PCDHGA1: variants seen among roughly 807,000 people sequenced by gnomAD.
PCDHGA1 encodes protocadherin gamma subfamily A, 1, also known as protocadherin gamma-A1.
Under a neutral mutation model 58.0 loss-of-function variants are expected in PCDHGA1, and 32 were observed. The observed-to-expected ratio is 0.55, with a 90% CI of 0.42 to 0.74. The LOEUF (loss-of-function observed/expected upper bound fraction) is 0.74, where lower values mean the gene tolerates loss of function less well. Ranked by LOEUF, PCDHGA1 falls within the 30% of genes least tolerant of loss-of-function variation. PCDHGA1 has a pLI of 0.00. For synonymous variants in PCDHGA1, 498 were observed against 501.1 expected (o/e 0.99, Z 0.08); for missense variants, 1,205 against 1,182.3 (o/e 1.02, Z -0.28).
rs1288831801 is a variant in PCDHGA1, at chr5:141,477,793, T to C, written c.2422-17014T>C. The C allele has an allele frequency of 6.2e-7, 1 of 1,614,050 alleles. No homozygotes were observed. The highest frequency in any genetic ancestry group is 2.2e-5 in the East Asian group (1 of 44,874). ...TCAGCGTGAACATATTTGTCACTGATCGCAATGACAATGCCCCCCAGGTCC... is the reference window on the plus strand; with the variant it reads ...TCAGCGTGAACATATTTGTCACTGACCGCAATGACAATGCCCCCCAGGTCC... On this transcript the variant is annotated intron_variant, in intron 1 of 3. Coordinates refer to ENST00000517417, the MANE Select transcript of PCDHGA1 (RefSeq NM_018912.3). This position sits in a 1 kb window ranked among gnomAD's most constrained non-coding sequence, Gnocchi z 4.9.
chr5:141,390,568 C>G (rs2092182781), intron 1 of PCDHGA1: 3 of 414,984 alleles, frequency 7.2e-6, no homozygotes, highest in East Asian at 4.5e-5. Flanking sequence ...GTTGTTGGCT[C>G]TCTCCTAAAA....
intron 2 of PCDHGA1, among the ~76,000 whole-genome samples, chr5:141,498,068 A>G (rs765582921): frequency 6.6e-6 from 1 of 152,244 alleles, no homozygotes; most frequent in Non-Finnish European, 1.5e-5. Context: ...TGAAACTGTC[A>G]TAAGTGCTAG....
At chr5:141,430,573 A>C (rs938248057) in intron 1 of PCDHGA1, 8 of 448,940 alleles carry the variant, frequency 1.8e-5, no homozygotes, top group Non-Finnish European at 3.0e-5. Context: ...AGAAAAGCGG[A>C]GATCCTGCTC....
chr5:141,385,513 A>C (rs1781236036), intron 1 of PCDHGA1: 1 of 1,373,372 alleles, frequency 7.3e-7, no homozygotes, highest in Non-Finnish European at 9.4e-7. Flanking sequence ...CTTTAGTGAA[A>C]GCCTATGGAC....
intron 1 of PCDHGA1, chr5:141,408,074 C>T: frequency 7.2e-7 from 1 of 1,395,302 alleles, no homozygotes; most frequent in Non-Finnish European, 9.5e-7. Context: ...CAGACCTTTC[C>T]CAGCACAGCG....
chr5:141,374,656 C>G (rs775346091), intron 1 of PCDHGA1: 1 of 1,612,056 alleles, frequency 6.2e-7, no homozygotes, highest in Non-Finnish European at 8.5e-7. Context: ...GGCCCAAGTA[C>G]CCGGAGCTGG....
chr5:141,491,414 G>C lies in PCDHGA1; in HGVS notation c.2422-3393G>C, dbSNP rs137987971. 35 of 1,614,008 alleles carry C rather than the reference G, an allele frequency of 2.2e-5. No homozygotes were observed. Among genetic ancestry groups the C allele is most frequent in the African/African-American group, 1.3e-4 (10 of 74,910 alleles). On this transcript the variant is annotated intron_variant, in intron 1 of 3. Coordinates refer to ENST00000517417, the MANE Select transcript of PCDHGA1 (RefSeq NM_018912.3). The surrounding 1 kb of genome is among the most constrained non-coding windows in gnomAD (Gnocchi z 6.9). ...CTTCAGGGAAACGCAGACGGGGACG[G>C]GGGTGGAGGGCAGTGCTGCAGGCGC...
At chr5:141,482,205 C>T (rs1478729653) in intron 1 of PCDHGA1, among the ~76,000 whole-genome samples, 1 of 151,896 alleles carries the variant, frequency 6.6e-6, no homozygotes, top group Non-Finnish European at 1.5e-5. Context: ...TAAAACAGAC[C>T]AGGTACTTGT....
At chr5:141,414,753 T>G (rs10041534) in intron 1 of PCDHGA1, 22 of 1,614,088 alleles carry the variant, frequency 1.4e-5, no homozygotes, top group Non-Finnish European at 1.8e-5. Context: ...CCTTCGACTA[T>G]GAGCAGTTTC....
intron 1 of PCDHGA1, among the ~76,000 whole-genome samples, chr5:141,464,077 C>T (rs891173261): frequency 1.3e-5 from 2 of 151,950 alleles, no homozygotes; most frequent in African/African-American, 4.8e-5. Context: ...CCAGCCTGGC[C>T]AACATGGTGA....
Position 141,491,589 on chromosome 5 carries a change from C to T in PCDHGA1, c.2422-3218C>T. 6.2e-7 allele frequency: 1 copy of T among 1,613,926 alleles called. No homozygotes were observed. The highest frequency in any genetic ancestry group is 8.5e-7 in the Non-Finnish European group (1 of 1,180,024). ...GGACGTGCTTTTCACCGGCCTCGGA[C>T]GGCAGTGACTTCACTTTTCTAAGAC... On this transcript the variant is annotated intron_variant, in intron 1 of 3. Transcript: ENST00000517417. This position sits in a 1 kb window ranked among gnomAD's most constrained non-coding sequence, Gnocchi z 6.9.
intron 3 of PCDHGA1, among the ~76,000 whole-genome samples, chr5:141,509,532 A>C (rs2099877210): frequency 6.6e-6 from 1 of 152,124 alleles, no homozygotes; most frequent in African/African-American, 2.4e-5. Flanking sequence ...GCACAGGATG[A>C]AGCACCATCT....
At chr5:141,387,214 A>G (rs189405322) in intron 1 of PCDHGA1, among the ~76,000 whole-genome samples, 1 of 152,346 alleles carries the variant, frequency 6.6e-6, no homozygotes, top group African/African-American at 2.4e-5. Context: ...TACTCTCCGG[A>G]AAAAGTTGAA....
At chr5:141,380,936 C>G (rs905887369) in intron 1 of PCDHGA1, among the ~76,000 whole-genome samples, 1 of 152,194 alleles carries the variant, frequency 6.6e-6, no homozygotes, top group African/African-American at 2.4e-5. Flanking sequence ...ATACACTTTG[C>G]TTGCCTCAAC....
Position 141,432,205 on chromosome 5 carries a change from A to G in PCDHGA1, c.2422-62602A>G, listed in dbSNP as rs764567227. 1 of 1,614,180 alleles carries G rather than the reference A, an allele frequency of 6.2e-7. No individual in the cohort carries two copies. Among genetic ancestry groups the G allele is most frequent in the South Asian group, 1.1e-5 (1 of 91,074 alleles). On this transcript the variant is annotated intron_variant, in intron 1 of 3. Transcript: ENST00000517417. This position sits in a 1 kb window ranked among gnomAD's most constrained non-coding sequence, Gnocchi z 6.0. The stretch of plus-strand genomic sequence containing the variant: ...TGACCGCCCACGACCCCGACTGTGA[A>G]GAGAACGCCCAGATCACTTATTCCC...
chr5:141,395,483 AT>A lies in PCDHGA1; in HGVS notation c.2421+62380del, dbSNP rs2093238640. ...TTAAGCCTTCCAGTATTTTATTCCT[AT>A]TATCACTCATTCACTTAAGAAGTAG... On this transcript the variant is annotated intron_variant, in intron 1 of 3. Transcript: ENST00000517417. The A allele has an allele frequency of 5.8e-6, 3 of 512,838 alleles. No individual in the cohort carries two copies. The South Asian group carries it at 8.4e-5, about 14-fold the overall frequency. The allele number at this position is 512,838 out of a possible 1,614,324, so 31.8% of individuals were successfully genotyped here.
intron 1 of PCDHGA1, chr5:141,419,596 G>A (rs377287183): frequency 2.6e-5 from 42 of 1,611,564 alleles, no homozygotes; most frequent in Non-Finnish European, 3.3e-5. Flanking sequence ...ACACAGTGCC[G>A]CGGGCCGCGC....
At chr5:141,364,094 A>G (rs4151697) in intron 1 of PCDHGA1, 43,426 of 397,716 alleles carry the variant, frequency 0.11, 3,266 homozygotes, top group African/African-American at 0.28. Context: ...ATGGAATTTG[A>G]TGCAGTCACT....
At chr5:141,422,789 TC>T (rs1561803924) in intron 1 of PCDHGA1, 44 of 1,614,158 alleles carry the variant, frequency 2.7e-5, no homozygotes, top group Non-Finnish European at 3.6e-5. Context: ...CTACAATCCT[TC>T]GACTATGAGC....
Sources: gnomAD v4.1 joint callset for allele counts (sites outside exome capture counted in the v4.1 genomes callset) on GRCh38, gnomAD v4.1.1 for gene constraint, Gnocchi (gnomAD v3.1) non-coding constraint, MANE v1.5 for transcripts, NCBI Gene and HGNC (gene_info 2026-07-23, HGNC 2026-07-21) for gene names.